Variants in PDE1C observed in about 807,000 individuals in gnomAD.
PDE1C encodes dual specificity calcium/calmodulin-dependent 3',5'-cyclic nucleotide phosphodiesterase 1C.
PDE1C carries 62 observed loss-of-function variants against 93.1 expected under a neutral mutation model. The ratio of observed to expected loss-of-function variants is 0.67; its 90% CI spans 0.54 to 0.82. The LOEUF (loss-of-function observed/expected upper bound fraction) is 0.82, where lower values mean the gene tolerates loss of function less well. Among genes scored for constraint, PDE1C ranks in the 40% least tolerant of loss-of-function variants. PDE1C has a pLI of 0.00. For missense variants in PDE1C, 742 were observed against 884.6 expected (o/e 0.84, Z 2.04); for synonymous variants, 325 against 310.1 (o/e 1.05, Z -0.50).
At chr7:31,854,242 C>T (rs1216468398) in intron 7 of PDE1C, among the ~76,000 whole-genome samples, 1 of 152,146 alleles carries the variant, frequency 6.6e-6, no homozygotes, top group Non-Finnish European at 1.5e-5. Flanking sequence ...GCATCATTAA[C>T]AGAAACAGAG....
At chr7:31,695,338 A>C in the PDE1C span, 1 of 756,878 alleles carries the variant, frequency 1.3e-6, no homozygotes, top group South Asian at 2.6e-5. Flanking sequence ...GGCCACAATA[A>C]ATAAACACTT....
intron 15 of PDE1C, among the ~76,000 whole-genome samples, chr7:31,814,931 C>A (rs969111412): frequency 9.2e-5 from 14 of 151,870 alleles, no homozygotes; most frequent in African/African-American, 3.1e-4. Flanking sequence ...GCTATTCAGC[C>A]ACAACCTGTC....
intron 9 of PDE1C, among the ~76,000 whole-genome samples, chr7:31,844,476 A>AT (rs1445506496): frequency 6.6e-6 from 1 of 151,716 alleles, no homozygotes; most frequent in African/African-American, 2.4e-5. Context: ...TAAATAAATT[A>AT]TTCTATTGTT....
At chr7:32,014,978 G>A (rs929787956) in intron 2 of PDE1C, among the ~76,000 whole-genome samples, 4 of 152,020 alleles carry the variant, frequency 2.6e-5, no homozygotes, top group African/African-American at 9.7e-5. Flanking sequence ...GAATCATGGG[G>A]GCAGTTTCCC....
chr7:31,660,279 A>C, the PDE1C span, among the ~76,000 whole-genome samples: 1 of 152,290 alleles, frequency 6.6e-6, no homozygotes, highest in African/African-American at 2.4e-5. Context: ...TATTAAAATA[A>C]ATTTCTAAAA....
At chr7:31,929,424 T>G (rs997157584) in intron 2 of PDE1C, among the ~76,000 whole-genome samples, 7 of 152,322 alleles carry the variant, frequency 4.6e-5, no homozygotes, top group Admixed American at 1.3e-4. Flanking sequence ...AACTCAGCTC[T>G]GGACCAAGCA....
At chr7:31,624,085 A>T in the PDE1C span, among the ~76,000 whole-genome samples, 2 of 151,086 alleles carry the variant, frequency 1.3e-5, no homozygotes, top group Non-Finnish European at 2.9e-5. Flanking sequence ...GACCTCTTCA[A>T]GGAGAACTAC....
chr7:32,060,964 G>C (rs10238582), intron 1 of PDE1C, among the ~76,000 whole-genome samples: 23,102 of 152,130 alleles, frequency 0.15, 2,244 homozygotes, highest in East Asian at 0.29. Flanking sequence ...AAAAGTCAGA[G>C]AGACAAATGA....
At chr7:31,733,817 G>A in the PDE1C span, among the ~76,000 whole-genome samples, 3 of 152,128 alleles carry the variant, frequency 2.0e-5, no homozygotes, top group Admixed American at 1.3e-4. Flanking sequence ...CCAACAGGGC[G>A]AAACCCTGTC....
intron 2 of PDE1C, among the ~76,000 whole-genome samples, chr7:32,173,882 G>A (rs1040952344): frequency 3.6e-4 from 55 of 152,228 alleles, no homozygotes; most frequent in Middle Eastern, 3.4e-3. Context: ...TACAAGCAAG[G>A]ACACCCATGG....
rs257910 is a variant in PDE1C, at chr7:32,108,695, A to G, written c.308+61090T>C. Among the ~76,000 whole-genome samples, 562 of 152,296 alleles carry G rather than the reference A, an allele frequency of 3.7e-3. 4 individuals are homozygous for G. Among genetic ancestry groups the G allele is most frequent in the African/African-American group, 0.013 (542 of 41,554 alleles). On this transcript the variant is annotated intron_variant, in intron 3 of 18. Transcript: ENST00000396193. ...TCCTTCCTTGTTCTAATAAGTGTGT[A>G]AGGTGCACTGCATGAATGTTCATGA...
At chr7:31,957,039 A>G (rs1488002379) in intron 2 of PDE1C, among the ~76,000 whole-genome samples, 1 of 151,988 alleles carries the variant, frequency 6.6e-6, no homozygotes, top group African/African-American at 2.4e-5. Flanking sequence ...ACTGACAATG[A>G]GCAATAAAAA....
At chr7:32,323,614 G>C (rs752214441) in intron 1 of PDE1C, among the ~76,000 whole-genome samples, 4 of 152,190 alleles carry the variant, frequency 2.6e-5, no homozygotes, top group Non-Finnish European at 4.4e-5. Flanking sequence ...GGCAAATGGA[G>C]ATGTCAACCA....
chr7:32,269,412 T>C (rs1236541312), intron 1 of PDE1C, among the ~76,000 whole-genome samples: 2 of 152,162 alleles, frequency 1.3e-5, no homozygotes, highest in Non-Finnish European at 2.9e-5. Flanking sequence ...TCTGTATATA[T>C]GCATATGGCA....
chr7:32,349,680 T>C (rs1232026877), intron 1 of PDE1C, among the ~76,000 whole-genome samples: 1 of 151,948 alleles, frequency 6.6e-6, no homozygotes, highest in Non-Finnish European at 1.5e-5. Flanking sequence ...CAGGCTGGAG[T>C]GTGCAATGGC....
At chr7:32,326,344 T>A (rs1783403552) in intron 1 of PDE1C, among the ~76,000 whole-genome samples, 1 of 152,124 alleles carries the variant, frequency 6.6e-6, no homozygotes, top group Non-Finnish European at 1.5e-5. Context: ...TTTAAAGCCA[T>A]GATACTGAAT....
At chr7:32,424,633 C>T (rs1785493970) in intron 1 of PDE1C, among the ~76,000 whole-genome samples, 1 of 152,068 alleles carries the variant, frequency 6.6e-6, no homozygotes, top group African/African-American at 2.4e-5. Flanking sequence ...TGGTGAAACC[C>T]TGTCTTTACA....
intron 2 of PDE1C, among the ~76,000 whole-genome samples, chr7:32,193,220 T>C (rs566806900): frequency 2.0e-4 from 30 of 152,296 alleles, no homozygotes; most frequent in Admixed American, 3.9e-4. Flanking sequence ...TGAACATTCT[T>C]GCCTTGTTCT....
intron 2 of PDE1C, among the ~76,000 whole-genome samples, chr7:32,040,877 C>T (rs1030123832): frequency 1.3e-5 from 2 of 152,078 alleles, no homozygotes; most frequent in Non-Finnish European, 2.9e-5. Context: ...ATTCCATGTG[C>T]CCCAAAAGAC....
Sources: allele counts gnomAD v4.1 joint callset (sites outside exome capture counted in the v4.1 genomes callset), GRCh38; gene constraint gnomAD v4.1.1; transcripts MANE v1.5; gene names NCBI Gene and HGNC (gene_info 2026-07-23, HGNC 2026-07-21).